MB21D2: variants seen among roughly 807,000 people sequenced by gnomAD.
MB21D2 encodes the protein Mab-21 domain containing 2, also known as nucleotidyltransferase MB21D2.
Under a neutral mutation model 33.3 loss-of-function variants are expected in MB21D2, and 9 were observed. The observed-to-expected ratio is 0.27, with a 90% CI of 0.16 to 0.47. The LOEUF is 0.47. MB21D2 is among the 20% of genes least tolerant of loss of function. MB21D2 has a pLI of 0.99. For synonymous variants in MB21D2, 241 were observed against 236.3 expected, an observed-to-expected ratio of 1.02 and a Z score of -0.18; for missense variants, 540 against 624.6, an observed-to-expected ratio of 0.86 and a Z score of 1.44.
At chr3:192,899,791 T>C (rs570520354) in intron 1 of MB21D2, among the ~76,000 whole-genome samples, 40 of 152,360 alleles carry the variant, frequency 2.6e-4, no homozygotes, top group Non-Finnish European at 1.9e-4. Flanking sequence ...AAGCCCAGGA[T>C]GGCTGCCAAG....
chr3:192,834,402 T>A (rs1577177452), intron 1 of MB21D2, among the ~76,000 whole-genome samples: 1 of 134,178 alleles, frequency 7.5e-6, no homozygotes, highest in Non-Finnish European at 1.6e-5. Flanking sequence ...ACTGAGGAAG[T>A]AATTTTCCCC....
intron 1 of MB21D2, among the ~76,000 whole-genome samples, chr3:192,833,714 C>G (rs1053976546): frequency 4.6e-5 from 7 of 152,170 alleles, no homozygotes; most frequent in African/African-American, 1.7e-4. Context: ...CACGTAGTGT[C>G]TCAAAAGGAC....
At chr3:192,835,158 A>T (rs1368327838) in intron 1 of MB21D2, among the ~76,000 whole-genome samples, 1 of 149,330 alleles carries the variant, frequency 6.7e-6, no homozygotes, top group Non-Finnish European at 1.5e-5. Flanking sequence ...GTCTTTAAAA[A>T]AAAAAAAAAA....
At chr3:192,854,903 G>A (rs573948921) in intron 1 of MB21D2, among the ~76,000 whole-genome samples, 18 of 152,160 alleles carry the variant, frequency 1.2e-4, no homozygotes, top group Non-Finnish European at 2.4e-4. Context: ...CCACTGCTCA[G>A]AAAAAAAGAT....
At chr3:192,894,433 A>AT (rs1713921811) in intron 1 of MB21D2, among the ~76,000 whole-genome samples, 1 of 151,984 alleles carries the variant, frequency 6.6e-6, no homozygotes, top group African/African-American at 2.4e-5. Flanking sequence ...CCTCCAATGG[A>AT]TTTTTGAGTA....
intron 1 of MB21D2, among the ~76,000 whole-genome samples, chr3:192,868,643 G>C (rs1187815747): frequency 1.3e-5 from 2 of 152,032 alleles, no homozygotes; most frequent in East Asian, 1.9e-4. Context: ...ATCTTAAAGG[G>C]GGAAAAGACA....
rs6786671 is a variant in MB21D2, at chr3:192,821,778, A to G, written c.212-22128T>C. 9.6e-3 allele frequency among the ~76,000 whole-genome samples: 1,466 copies of G among 152,288 alleles called. 29 individuals carry two copies. The highest frequency in any genetic ancestry group is 0.034 in the African/African-American group (1,400 of 41,556). ...TTGACTGAGTGATTTGGAGGTCTACAAAGTGCCATGATGGGCCGTCAGGGT... is the reference window on the plus strand; with the variant it reads ...TTGACTGAGTGATTTGGAGGTCTACGAAGTGCCATGATGGGCCGTCAGGGT... On this transcript the variant is annotated intron_variant, in intron 1 of 1. Transcript: ENST00000392452.
At chr3:192,814,773 G>A in intron 1 of MB21D2, among the ~76,000 whole-genome samples, 1 of 151,762 alleles carries the variant, frequency 6.6e-6, no homozygotes, top group Non-Finnish European at 1.5e-5. Context: ...GCTGAGGCAG[G>A]AGAATGGCGT....
chr3:192,901,216 T>G (rs1460344354), intron 1 of MB21D2, among the ~76,000 whole-genome samples: 2 of 151,888 alleles, frequency 1.3e-5, no homozygotes, highest in African/African-American at 4.8e-5. Context: ...TCCTATGAGG[T>G]TCTACATTGT....
At chr3:192,814,860 A>ACC (rs1458293354) in intron 1 of MB21D2, among the ~76,000 whole-genome samples, 10,683 of 118,088 alleles carry the variant, frequency 0.09, 1,286 homozygotes, top group African/African-American at 0.29. Flanking sequence ...GCGAGACTCC[A>ACC]TCCCAAAAAA....
intron 1 of MB21D2, among the ~76,000 whole-genome samples, chr3:192,828,955 C>T (rs1000550381): frequency 6.6e-6 from 1 of 151,906 alleles, no homozygotes; most frequent in Non-Finnish European, 1.5e-5. Flanking sequence ...GGCCAAAACT[C>T]ACCCCCTTTT....
At chr3:192,898,409 GGACTA>G (rs149178673) in intron 1 of MB21D2, among the ~76,000 whole-genome samples, 1,704 of 151,956 alleles carry the variant, frequency 0.011, 30 homozygotes, top group African/African-American at 0.039. Flanking sequence ...GGGAATAACT[GGACTA>G]GACAATTTCA....
Position 192,822,844 on chromosome 3 carries a change from T to A in MB21D2, c.212-23194A>T, listed in dbSNP as rs185048533. On this transcript the variant is annotated intron_variant, in intron 1 of 1. Transcript: ENST00000392452. ...TAGTCAGTGTTAGAACTAAGATAAT[T>A]AGGGCAAGGTCTCCTGATTCTTAAA... 9.9e-5 allele frequency among the ~76,000 whole-genome samples: 15 copies of A among 152,242 alleles called. No individual in the cohort carries two copies. The East Asian group carries it at 2.7e-3, about 27-fold the overall frequency.
intron 1 of MB21D2, among the ~76,000 whole-genome samples, chr3:192,834,421 C>CA (rs35712980): frequency 1.4e-3 from 172 of 127,102 alleles, no homozygotes; most frequent in Middle Eastern, 0.013. Flanking sequence ...CCAGTTATAT[C>CA]AAAAAAAAAA....
At chr3:192,832,521 G>A (rs1269961078) in intron 1 of MB21D2, among the ~76,000 whole-genome samples, 1 of 152,212 alleles carries the variant, frequency 6.6e-6, no homozygotes, top group Non-Finnish European at 1.5e-5. Flanking sequence ...GCCAGGTGCG[G>A]TGGGTCACGC....
At chr3:192,869,670 C>A (rs138338586) in intron 1 of MB21D2, among the ~76,000 whole-genome samples, 1 of 152,174 alleles carries the variant, frequency 6.6e-6, no homozygotes, top group Non-Finnish European at 1.5e-5. Context: ...CCTTTCTCCT[C>A]CCCATAAAAA....
At chr3:192,904,027 C>T (rs900440911) in intron 1 of MB21D2, among the ~76,000 whole-genome samples, 4 of 152,176 alleles carry the variant, frequency 2.6e-5, no homozygotes, top group Non-Finnish European at 5.9e-5. Context: ...GATGTCTTTA[C>T]AGCAATGCAA....
chr3:192,803,608 T>C (rs1044886304), intron 1 of MB21D2, among the ~76,000 whole-genome samples: 4 of 152,308 alleles, frequency 2.6e-5, no homozygotes, highest in Middle Eastern at 3.4e-3. Flanking sequence ...AAAACTTTCC[T>C]GGGCTAAGTT....
intron 1 of MB21D2, among the ~76,000 whole-genome samples, chr3:192,807,895 A>G (rs1711701255): frequency 6.6e-6 from 1 of 152,010 alleles, no homozygotes; most frequent in Non-Finnish European, 1.5e-5. Flanking sequence ...AACAAAGCTA[A>G]TATCTCAGTG....
Sources: allele counts gnomAD v4.1 joint callset (sites outside exome capture counted in the v4.1 genomes callset), GRCh38; gene constraint gnomAD v4.1.1; transcripts MANE v1.5; gene names NCBI Gene and HGNC (gene_info 2026-07-23, HGNC 2026-07-21).